Variants in NT5M observed in about 807,000 individuals in gnomAD.
NT5M encodes the protein 5'(3')-deoxyribonucleotidase, mitochondrial.
NT5M carries 22 observed loss-of-function variants against 22.2 expected under a neutral mutation model. That is an observed-to-expected ratio of 0.99 (90% CI 0.71 to 1.41). NT5M has a LOEUF of 1.41. Ranked by LOEUF, NT5M falls within the 40% of genes most tolerant of loss-of-function variation. NT5M has a pLI of 0.00. For missense variants in NT5M, 322 were observed against 314.8 expected (o/e 1.02, Z -0.17); for synonymous variants, 167 against 133.0 (o/e 1.26, Z -1.76).
chr17:17,324,371 CT>C (rs2049220967), intron 3 of NT5M, among the ~76,000 whole-genome samples: 1 of 151,528 alleles, frequency 6.6e-6, no homozygotes, highest in Non-Finnish European at 1.5e-5. Flanking sequence ...GTAGTCCCAG[CT>C]ACTTGGGAGG....
intron 3 of NT5M, among the ~76,000 whole-genome samples, chr17:17,338,677 G>GTTTTTTTTTTT (rs59650601): frequency 1.8e-3 from 135 of 73,202 alleles, no homozygotes; most frequent in Middle Eastern, 9.6e-3. Context: ...AATGTTAAGG[G>GTTTTTTTTTTT]TTTTTTTTTT....
intron 3 of NT5M, among the ~76,000 whole-genome samples, chr17:17,340,440 T>A (rs900929273): frequency 1.3e-4 from 20 of 152,156 alleles, no homozygotes; most frequent in African/African-American, 4.8e-4. Context: ...TTGTTTCTTT[T>A]CACAAAACCA....
chr17:17,342,256 C>A (rs2049658772), intron 3 of NT5M, among the ~76,000 whole-genome samples: 1 of 152,170 alleles, frequency 6.6e-6, no homozygotes. Context: ...AAACAGCCCA[C>A]TTTGTTTTGC....
At position 17,303,679 on chromosome 17, in the gene NT5M, C is replaced by T. The variant is rs765993590; in HGVS notation, c.129C>T (p.Asp43=). 2 of 1,579,994 alleles carry T rather than the reference C, an allele frequency of 1.3e-6. No individual in the cohort carries two copies. The highest frequency in any genetic ancestry group is 1.4e-5 in the African/African-American group (1 of 71,428). The part of the protein sequence containing the change: ...GRALRVLVDM[D]GVLADFEGGF... ...CCCTACGGGTGCTGGTGGACATGGA[C>T]GGCGTGCTGGCTGACTTCGAGGGCG... Residue 43 remains aspartate, a synonymous_variant, in exon 1 of 5, where the codon GAC becomes GAT. Transcript: ENST00000389022.
In NT5M at chr17:17,310,119, C is replaced by T. The variant is rs142167208; in HGVS notation, c.368+3476C>T. Among the ~76,000 whole-genome samples, 418 of 152,140 alleles carry T rather than the reference C, an allele frequency of 2.7e-3. 4 individuals carry two copies. The highest frequency in any genetic ancestry group is 3.4e-3 in the Middle Eastern group (1 of 294). Reference sequence around the variant, plus strand: ...GATTACAGGCGTGAGCCACCTCGCCCGGCCTAACTTTTGTGTTTCTAAGGA... The same window carrying T: ...GATTACAGGCGTGAGCCACCTCGCCTGGCCTAACTTTTGTGTTTCTAAGGA... On this transcript the variant is annotated intron_variant, in intron 2 of 4. Coordinates refer to ENST00000389022, the MANE Select transcript of NT5M (RefSeq NM_020201.4).
At chr17:17,305,874 T>G (rs1220313096) in intron 1 of NT5M, among the ~76,000 whole-genome samples, 1 of 152,098 alleles carries the variant, frequency 6.6e-6, no homozygotes, top group Non-Finnish European at 1.5e-5. Context: ...CAGCTGCTGT[T>G]TTGCTGTGTG....
Position 17,331,658 on chromosome 17 carries a change from G to A in NT5M, c.429+8413G>A, listed in dbSNP as rs572401959. Among the ~76,000 whole-genome samples, 96 of 151,438 alleles carry A rather than the reference G, an allele frequency of 6.3e-4. 5 individuals carry two copies. Among genetic ancestry groups the A allele is most frequent in the African/African-American group, 2.3e-3 (96 of 40,896 alleles). On this transcript the variant is annotated intron_variant, in intron 3 of 4. Transcript: ENST00000389022. Reference sequence around the variant, plus strand: ...TTGCCCAGGTGGATTCTAGTGGAACGATCATAGCTCACTGCAGCCTCTAAC... The same window carrying A: ...TTGCCCAGGTGGATTCTAGTGGAACAATCATAGCTCACTGCAGCCTCTAAC...
chr17:17,311,521 T>A (rs996660155), intron 2 of NT5M, among the ~76,000 whole-genome samples: 2 of 152,180 alleles, frequency 1.3e-5, no homozygotes, highest in African/African-American at 4.8e-5. Flanking sequence ...GTATTCACAC[T>A]CTTGCTGAGA....
intron 3 of NT5M, among the ~76,000 whole-genome samples, chr17:17,338,657 G>C (rs1264335089): frequency 2.5e-5 from 3 of 121,094 alleles, no homozygotes; most frequent in Non-Finnish European, 5.3e-5. Flanking sequence ...AATTTTTGTG[G>C]TTCTATGTAA....
chr17:17,303,946 T>TG (rs550442410), intron 1 of NT5M, 129 bp downstream of exon 1: 259 of 1,281,928 alleles, frequency 2.0e-4, no homozygotes, highest in Non-Finnish European at 2.4e-4. Flanking sequence ...GAATAGGGTC[T>TG]GGGGGGGACT....
chr17:17,317,049 G>GTTTTTTTTTTTT (rs1351062225), intron 2 of NT5M, among the ~76,000 whole-genome samples: 1 of 81,610 alleles, frequency 1.2e-5, no homozygotes, highest in African/African-American at 3.8e-5. Context: ...TTTTGTTTTT[G>GTTTTTTTTTTTT]TTTTTGTTTT....
intron 3 of NT5M, among the ~76,000 whole-genome samples, chr17:17,336,964 C>T (rs1056094385): frequency 2.0e-5 from 3 of 152,090 alleles, no homozygotes; most frequent in Non-Finnish European, 4.4e-5. Context: ...CATGGGAGTG[C>T]GAGTATCTTT....
At position 17,322,090 on chromosome 17, in the gene NT5M, CAT is replaced by C. The variant is rs1314028501; in HGVS notation, c.369-1094_369-1093del. ...ACCTATGCACACACATATATGTGGA[CAT>C]GTGTGTGTCAAGTCACTGAGGATGG... is the stretch of plus-strand genomic sequence containing the variant. On this transcript the variant is annotated intron_variant, in intron 2 of 4. Coordinates refer to ENST00000389022, the MANE Select transcript of NT5M (RefSeq NM_020201.4). Among the ~76,000 whole-genome samples, 6 of 152,040 alleles carry C rather than the reference CAT, an allele frequency of 3.9e-5. No individual in the cohort carries two copies. In the East Asian group the frequency reaches 9.7e-4, roughly 25 times the overall value.
At chr17:17,344,533 G>T (rs569949308) in intron 3 of NT5M, among the ~76,000 whole-genome samples, 9 of 152,310 alleles carry the variant, frequency 5.9e-5, no homozygotes, top group Non-Finnish European at 1.3e-4. Flanking sequence ...GTGAAGAGGG[G>T]ACAGGGCTGG....
At chr17:17,333,482 C>CTT in intron 3 of NT5M, 1 of 151,318 alleles carries the variant, frequency 6.6e-6, no homozygotes, top group East Asian at 1.9e-4. Flanking sequence ...TTTTAAAACA[C>CTT]TTTTTTTTTG....
At chr17:17,335,704 C>A (rs1348023236) in intron 3 of NT5M, among the ~76,000 whole-genome samples, 1 of 151,750 alleles carries the variant, frequency 6.6e-6, no homozygotes, top group Non-Finnish European at 1.5e-5. Context: ...GCGATCTCTG[C>A]TCACTACAAC....
intron 2 of NT5M, among the ~76,000 whole-genome samples, chr17:17,309,163 T>TA (rs2048872773): frequency 6.6e-6 from 1 of 151,166 alleles, no homozygotes; most frequent in Non-Finnish European, 1.5e-5. Flanking sequence ...TTGCCCTATC[T>TA]CAAAAAGGCT....
rs146354908 is a variant in NT5M, at chr17:17,346,827, G to T, written c.567G>T (p.Trp189Cys). ...CAGGGGCCGAGCCAACCCCCAGCTG[G>T]GAGCATGTCCTCTTCACCGCCTGCC... ...DITGAEPTPS[W>C]EHVLFTACHN... Residue 189 changes from tryptophan to cysteine, a missense_variant, in exon 5 of 5, where the codon TGG becomes TGT. Transcript: ENST00000389022. 6.8e-6 allele frequency: 11 copies of T among 1,607,982 alleles called. No homozygotes were observed. In the East Asian group the frequency reaches 1.3e-4, roughly 20 times the overall value.
At chr17:17,309,079 C>A (rs142678444) in intron 2 of NT5M, among the ~76,000 whole-genome samples, 1 of 151,028 alleles carries the variant, frequency 6.6e-6, no homozygotes, top group East Asian at 1.9e-4. Flanking sequence ...TATGAACATT[C>A]GTGTAAATAT....
Sources: gnomAD v4.1 joint callset for allele counts (sites outside exome capture counted in the v4.1 genomes callset) on GRCh38, gnomAD v4.1.1 for gene constraint, MANE v1.5 for transcripts, NCBI Gene and HGNC (gene_info 2026-07-23, HGNC 2026-07-21) for gene names.